NAE1: variants seen among roughly 807,000 people sequenced by gnomAD.
The protein encoded by NAE1 is NEDD8-activating enzyme E1 regulatory subunit.
NAE1 carries 59 observed loss-of-function variants against 88.0 expected under a neutral mutation model. The ratio of observed to expected loss-of-function variants is 0.67; its 90% CI spans 0.54 to 0.83. NAE1 has a LOEUF of 0.83. NAE1 is among the 40% of genes least tolerant of loss of function. The pLI is 0.00. For missense variants in NAE1, 554 were observed against 632.8 expected (o/e 0.88, Z 1.34); for synonymous variants, 186 against 208.9 (o/e 0.89, Z 0.95).
intron 1 of NAE1, among the ~76,000 whole-genome samples, chr16:66,828,489 T>C (rs1320635008): frequency 8.5e-5 from 10 of 117,454 alleles, no homozygotes; most frequent in Non-Finnish European, 1.2e-4. Flanking sequence ...AGACTCCGTC[T>C]CAAAAAAAAA....
intron 1 of NAE1, 47 bp from the exon 2 acceptor site, chr16:66,826,827 T>C (rs1381535519): frequency 1.3e-6 from 2 of 1,527,398 alleles, no homozygotes; most frequent in African/African-American, 2.8e-5. Flanking sequence ...TTCATGAAAA[T>C]ACAGCTTTCT....
chr16:66,821,540 C>G lies in NAE1; in HGVS notation c.421G>C (p.Asp141His). ...LPESTSLRLA[D>H]VLWNSQIPLL... ...GGAATCTGGGAATTCCAGAGGACAT[C>G]TGCTAAGCGTAGTGAAGTGCTGTTT... The change falls in exon 7 of 20, where the codon GAT becomes CAT. Residue 141 changes from aspartate to histidine, a missense_variant. Coordinates refer to ENST00000290810, the MANE Select transcript of NAE1 (RefSeq NM_003905.4). The G allele has an allele frequency of 1.2e-6, 2 of 1,600,812 alleles. No homozygotes were observed. Among genetic ancestry groups the G allele is most frequent in the Admixed American group, 1.7e-5 (1 of 57,504 alleles).
Position 66,827,844 on chromosome 16 carries a change from C to T in NAE1, c.54-1064G>A, listed in dbSNP as rs1039525079. The T allele has an allele frequency of 7.3e-6, 5 of 685,620 alleles. No individual in the cohort carries two copies. The African/African-American group carries it at 9.0e-5, about 12-fold the overall frequency. 42.5% of individuals were successfully genotyped at this position (685,620 alleles called of 1,614,324 possible). A position where few individuals can be genotyped will look rare whatever the true frequency, so the allele number is the denominator to read the frequency against. The stretch of plus-strand genomic sequence containing the variant: ...ATGTCCTCCAGAGCATGTCAAGCAA[C>T]TGCCTTGTTTTTTGTTTTTGTTTTT... On this transcript the variant is annotated intron_variant, in intron 1 of 19. Coordinates refer to ENST00000290810, the MANE Select transcript of NAE1 (RefSeq NM_003905.4).
chr16:66,804,053 A>G (rs905385901), intron 19 of NAE1, among the ~76,000 whole-genome samples: 6 of 152,192 alleles, frequency 3.9e-5, no homozygotes, highest in African/African-American at 1.2e-4. Context: ...TAGTATGTCA[A>G]CTGACCATAG....
chr16:66,825,118 A>C (rs1001390909), intron 3 of NAE1, among the ~76,000 whole-genome samples: 1 of 152,230 alleles, frequency 6.6e-6, no homozygotes, highest in African/African-American at 2.4e-5. Flanking sequence ...ATTTCACAAG[A>C]TCCTCTGAGA....
At chr16:66,830,618 C>T (rs1284279309) in intron 1 of NAE1, among the ~76,000 whole-genome samples, 1 of 152,222 alleles carries the variant, frequency 6.6e-6, no homozygotes, top group Admixed American at 6.5e-5. Flanking sequence ...CTGGGGACCC[C>T]GTCCCCCGAA....
At chr16:66,817,756 T>C (rs1321676930) in intron 8 of NAE1, among the ~76,000 whole-genome samples, 1 of 152,122 alleles carries the variant, frequency 6.6e-6, no homozygotes, top group East Asian at 1.9e-4. Context: ...CAAATCTCAA[T>C]TTCAGACACC....
chr16:66,828,362 G>A (rs991121675), intron 1 of NAE1, among the ~76,000 whole-genome samples: 2 of 151,902 alleles, frequency 1.3e-5, no homozygotes, highest in Middle Eastern at 3.2e-3. Context: ...ACAGTGGCAC[G>A]CACCTATAAT....
intron 17 of NAE1, among the ~76,000 whole-genome samples, chr16:66,808,047 T>C (rs1017519307): frequency 6.6e-6 from 1 of 151,958 alleles, no homozygotes. Flanking sequence ...CACACCACCA[T>C]GTCTGGCTAA....
intron 10 of NAE1, 24 bp from the exon 11 acceptor site, chr16:66,816,696 C>T (rs1960056186): frequency 6.5e-7 from 1 of 1,529,714 alleles, no homozygotes; most frequent in Non-Finnish European, 9.0e-7. Flanking sequence ...AAATTGTTAG[C>T]AAACAGCCCT....
In NAE1 at chr16:66,830,908, C is replaced by T. The variant is rs1960670576; in HGVS notation, c.-9G>A. 3.3e-6 allele frequency: 5 copies of T among 1,533,100 alleles called. No homozygotes were observed. The East Asian group carries it at 7.9e-5, about 24-fold the overall frequency. 95.0% of individuals were successfully genotyped at this position (1,533,100 alleles called of 1,614,324 possible). ...TTTCCCAGCTGCGCCATGGCCGCGCCTGCCGCGCGGAAAACAGCCGAGCCC... is the reference window on the plus strand; with the variant it reads ...TTTCCCAGCTGCGCCATGGCCGCGCTTGCCGCGCGGAAAACAGCCGAGCCC... On this transcript the variant is annotated 5_prime_UTR_variant, in exon 1 of 20. Coordinates refer to ENST00000290810, the MANE Select transcript of NAE1 (RefSeq NM_003905.4).
At chr16:66,808,787 G>T in intron 16 of NAE1, 174 bp from the exon 17 acceptor site, 1 of 622,350 alleles carries the variant, frequency 1.6e-6, no homozygotes. Context: ...TGGACTCAGT[G>T]ACCTAAATAT....
At chr16:66,830,793 C>A in intron 1 of NAE1, 54 bp downstream of exon 1, 1 of 1,492,368 alleles carries the variant, frequency 6.7e-7, no homozygotes, top group South Asian at 1.2e-5. Flanking sequence ...TAGGCCCGGC[C>A]CGAATGCTGG....
At position 66,809,422 on chromosome 16, in the gene NAE1, G is replaced by A. The variant is rs1959697050; in HGVS notation, c.1151-347C>T. Among the ~76,000 whole-genome samples the A allele has an allele frequency of 2.6e-5, 4 of 152,268 alleles. No homozygotes were observed. In the South Asian group the frequency reaches 8.3e-4, roughly 32 times the overall value. ...GCATCTCTAGCACAATGCCTGATAT[G>A]GCTCTAAAAATAATAGTTTTCATCA... is the stretch of plus-strand genomic sequence containing the variant. On this transcript the variant is annotated intron_variant, in intron 15 of 19. Transcript: ENST00000290810.
chr16:66,817,334 A>T, intron 9 of NAE1, 91 bp downstream of exon 9: 1 of 1,122,986 alleles, frequency 8.9e-7, no homozygotes, highest in South Asian at 1.3e-5. Context: ...ATAAGGAAAA[A>T]AAATTAATCT....
At chr16:66,825,751 A>G (rs1362843032) in intron 3 of NAE1, among the ~76,000 whole-genome samples, 1 of 152,098 alleles carries the variant, frequency 6.6e-6, no homozygotes, top group Non-Finnish European at 1.5e-5. Flanking sequence ...CAAGGCCCAG[A>G]TATGAGGCTG....
At chr16:66,813,890 T>A (rs1343067606) in intron 11 of NAE1, 44 bp from the exon 12 acceptor site, 1 of 1,538,878 alleles carries the variant, frequency 6.5e-7, no homozygotes, top group Admixed American at 1.9e-5. Flanking sequence ...GTATTAAGAA[T>A]TCGCCCATCT....
chr16:66,815,914 C>T (rs770733606), intron 11 of NAE1, among the ~76,000 whole-genome samples: 3 of 151,324 alleles, frequency 2.0e-5, no homozygotes, highest in African/African-American at 4.9e-5. Context: ...CTGCCCTCCT[C>T]GGCCTCCCAA....
chr16:66,810,474 G>A (rs1433166075), intron 14 of NAE1, 61 bp from the exon 15 acceptor site: 45 of 1,446,902 alleles, frequency 3.1e-5, no homozygotes, highest in Middle Eastern at 1.8e-4. Flanking sequence ...CAAAGGGTGC[G>A]GCACAAAGCC....
Sources: gnomAD v4.1 joint callset for allele counts (sites outside exome capture counted in the v4.1 genomes callset) on GRCh38, gnomAD v4.1.1 for gene constraint, MANE v1.5 for transcripts, NCBI Gene and HGNC (gene_info 2026-07-23, HGNC 2026-07-21) for gene names.